Variants in EVC observed in about 807,000 individuals in gnomAD.
EVC encodes evC complex member EVC.
Under a neutral mutation model 118.9 loss-of-function variants are expected in EVC, and 116 were observed. The observed-to-expected ratio is 0.98, with a 90% CI of 0.84 to 1.14. EVC has a LOEUF of 1.14. Ranked by LOEUF, EVC falls within the 50% of genes most tolerant of loss-of-function variation. The pLI, the probability that EVC is intolerant of heterozygous loss-of-function variation, is 0.00. For synonymous variants in EVC, 619 were observed against 534.7 expected (o/e 1.16, Z -2.18); for missense variants, 1,401 against 1,246.4 (o/e 1.12, Z -1.87).
chr4:5,816,324 G>A (rs567091035), downstream of EVC, among the ~76,000 whole-genome samples: 7 of 152,272 alleles, frequency 4.6e-5, no homozygotes, highest in East Asian at 1.9e-4. Context: ...GAGCAAAAAC[G>A]ACCAACATCC....
At chr4:5,720,151 C>T (rs912787008) in intron 2 of EVC, among the ~76,000 whole-genome samples, 1 of 152,048 alleles carries the variant, frequency 6.6e-6, no homozygotes, top group African/African-American at 2.4e-5. Flanking sequence ...ACCTCCTTGT[C>T]CCCTAGGAAG....
rs1353186982 is a variant in EVC, at chr4:5,737,571, G to A, written c.702+4136G>A. On this transcript the variant is annotated intron_variant, in intron 5 of 20. Coordinates refer to ENST00000264956, the MANE Select transcript of EVC (RefSeq NM_153717.3). The surrounding 1 kb of genome is among the most constrained non-coding windows in gnomAD (Gnocchi z 5.0). The stretch of plus-strand genomic sequence containing the variant: ...ATGCGGGAGATGACTTTAAGTTGAA[G>A]CCAGTGCTCATGCACCACTCCGAAA... Among the ~76,000 whole-genome samples the A allele has an allele frequency of 6.6e-6, 1 of 152,192 alleles. No individual in the cohort carries two copies. Among genetic ancestry groups the A allele is most frequent in the East Asian group, 1.9e-4 (1 of 5,202 alleles).
At chr4:5,827,626 A>G in the EVC span, among the ~76,000 whole-genome samples, 1 of 152,062 alleles carries the variant, frequency 6.6e-6, no homozygotes, top group Non-Finnish European at 1.5e-5. Context: ...ACGCGCACAC[A>G]CACACACTCC....
rs1465530933 is a variant in EVC, at chr4:5,752,826, C to A, written c.1099-10C>A. ...ACCCCAGCTATGGTCCTGTGTGTTT[C>A]TTTTTGCAGGACGCCCTGGAGAGGA... On this transcript the variant is annotated splice_polypyrimidine_tract_variant and intron_variant, in intron 8 of 20. Transcript: ENST00000264956. The A allele has an allele frequency of 3.1e-6, 5 of 1,614,138 alleles. No individual in the cohort carries two copies. In the South Asian group the frequency reaches 3.3e-5, roughly 11 times the overall value.
chr4:5,794,551 C>T (rs1713581831), intron 13 of EVC, among the ~76,000 whole-genome samples: 1 of 151,228 alleles, frequency 6.6e-6, no homozygotes, highest in African/African-American at 2.4e-5. Context: ...GCTGGGATTA[C>T]AGGTGCCCAC....
At chr4:5,720,280 G>C (rs963073568) in intron 2 of EVC, among the ~76,000 whole-genome samples, 3 of 152,186 alleles carry the variant, frequency 2.0e-5, no homozygotes, top group African/African-American at 7.2e-5. Flanking sequence ...ACACTCACGT[G>C]AATGATCTCG....
chr4:5,783,155 G>A (rs1735888850), intron 11 of EVC, among the ~76,000 whole-genome samples: 1 of 152,140 alleles, frequency 6.6e-6, no homozygotes, highest in African/African-American at 2.4e-5. Flanking sequence ...TGATTCATGT[G>A]TGTATGTGTG....
At chr4:5,816,607 CCT>C (rs1236836404), downstream of EVC, among the ~76,000 whole-genome samples, 5 of 149,248 alleles carry the variant, frequency 3.4e-5, no homozygotes, top group African/African-American at 9.9e-5. Flanking sequence ...TTCCTTACCC[CCT>C]CTGTCCTTCT....
chr4:5,822,224 G>T, the EVC span, among the ~76,000 whole-genome samples: 7 of 152,226 alleles, frequency 4.6e-5, no homozygotes, highest in South Asian at 1.4e-3. Flanking sequence ...TATGAAGGGG[G>T]TGTTTGTACT....
chr4:5,777,579 T>G (rs1029625169), intron 11 of EVC, among the ~76,000 whole-genome samples: 2 of 152,204 alleles, frequency 1.3e-5, no homozygotes, highest in Admixed American at 1.3e-4. Context: ...ATCACAATCT[T>G]GTTAGATCTT....
chr4:5,789,462 C>G lies in EVC; in HGVS notation c.1777-4146C>G, dbSNP rs1217596850. 6.6e-6 allele frequency among the ~76,000 whole-genome samples: 1 copy of G among 152,212 alleles called. No homozygotes were observed. ...ACTGCAATGCCCCCCTCACCCCCAG[C>G]ACTCCAGTGTTTGCCTCGGGAGTTG... is the stretch of plus-strand genomic sequence containing the variant. On this transcript the variant is annotated intron_variant, in intron 12 of 20. Coordinates refer to ENST00000264956, the MANE Select transcript of EVC (RefSeq NM_153717.3). This position sits in a 1 kb window ranked among gnomAD's most constrained non-coding sequence, Gnocchi z 4.3.
At chr4:5,757,156 T>G (rs12501386) in intron 11 of EVC, among the ~76,000 whole-genome samples, 41,322 of 152,050 alleles carry the variant, frequency 0.27, 6,159 homozygotes, top group African/African-American at 0.39. Flanking sequence ...AGGACTGTGT[T>G]TGGGGACCCG....
Position 5,741,772 on chromosome 4 carries a change from A to G in EVC, c.759A>G (p.Ser253=), listed in dbSNP as rs201105095. ...CLLDLLPKKK[S]DDELYQKILS... ...TTGACCTTCTTCCTAAAAAGAAGTC[A>G]GATGATGAACTATACCAGAAGATCC... is the stretch of plus-strand genomic sequence containing the variant. The change falls in exon 6 of 21, where the codon TCA becomes TCG. Residue 253 remains serine, a synonymous_variant. Coordinates refer to ENST00000264956, the MANE Select transcript of EVC (RefSeq NM_153717.3). The G allele has an allele frequency of 1.0e-4, 163 of 1,570,350 alleles. No homozygotes were observed. The highest frequency in any genetic ancestry group is 8.8e-4 in the Middle Eastern group (5 of 5,660).
chr4:5,723,517 T>C (rs1725321710), intron 2 of EVC, among the ~76,000 whole-genome samples: 1 of 152,166 alleles, frequency 6.6e-6, no homozygotes, highest in South Asian at 2.1e-4. Context: ...GGTTTTTGTT[T>C]TGTATTCCCC....
Position 5,768,366 on chromosome 4 carries a change from T to G in EVC, c.1563+12004T>G, listed in dbSNP as rs538149456. 8.5e-4 allele frequency among the ~76,000 whole-genome samples: 130 copies of G among 152,254 alleles called. 1 individual carries two copies. The highest frequency in any genetic ancestry group is 3.1e-3 in the African/African-American group (127 of 41,530). ...GCAGGGAGCCCTGGTAGGAGACTGC[T>G]GTGGCCCGTGTAAGAGATGGTGCTG... is the stretch of plus-strand genomic sequence containing the variant. On this transcript the variant is annotated intron_variant, in intron 11 of 20. Transcript: ENST00000264956.
In EVC at chr4:5,731,442, C is replaced by A. The variant is rs1560295523; in HGVS notation, c.402C>A (p.Ser134=). 6.2e-7 allele frequency: 1 copy of A among 1,613,606 alleles called. No individual in the cohort carries two copies. The highest frequency in any genetic ancestry group is 1.7e-5 in the Admixed American group (1 of 60,000). ...NQKFRPLADG[S]SNPSLHENLK... ...CACCCCAGCCTCTGGCCGATGGCTC[C>A]TCCAACCCGTCTCTGCATGAAAACT... The change falls in exon 4 of 21, where the codon TCC becomes TCA. Residue 134 remains serine (S), a synonymous_variant. Transcript: ENST00000264956. The surrounding 1 kb of genome is among the most constrained non-coding windows in gnomAD (Gnocchi z 5.6).
chr4:5,776,297 T>G (rs1007518373), intron 11 of EVC, among the ~76,000 whole-genome samples: 4 of 152,170 alleles, frequency 2.6e-5, no homozygotes, highest in Non-Finnish European at 4.4e-5. Flanking sequence ...TCATGTTTTG[T>G]TTTCTTTTTC....
rs140508599 is a variant in EVC at position 5,809,566 on chromosome 4, C to T, written c.2737C>T (p.Pro913Ser). Residue 913 changes from proline (P) to serine (S), a missense_variant, in exon 19 of 21, where the codon CCC becomes TCC. Physicochemically the swap from Pro to Ser is moderately conservative, Grantham distance 74. Transcript: ENST00000264956. Reference sequence around the variant, plus strand: ...CGAGCTGGCAGCCTTGGCCCGAGTGCCCCTTGCTGAAAGCAAACTGTTGCC... The same window carrying T: ...CGAGCTGGCAGCCTTGGCCCGAGTGTCCCTTGCTGAAAGCAAACTGTTGCC... ...ISELAALARVPLAESKLLPAK... is the reference protein window; with the variant it reads ...ISELAALARVSLAESKLLPAK... 5.6e-6 allele frequency: 9 copies of T among 1,614,078 alleles called. No individual in the cohort carries two copies. The highest frequency in any genetic ancestry group is 7.6e-6 in the Non-Finnish European group (9 of 1,180,054).
In EVC at chr4:5,719,689, A is replaced by G. The variant is rs574249799; in HGVS notation, c.300+316A>G. Among the ~76,000 whole-genome samples, 14 of 152,182 alleles carry G rather than the reference A, an allele frequency of 9.2e-5. No individual in the cohort carries two copies. The highest frequency in any genetic ancestry group is 1.6e-4 in the Non-Finnish European group (11 of 68,012). The stretch of plus-strand genomic sequence containing the variant: ...AGAGGTGCCCATGCGTGGGATTTCC[A>G]TTGATTGGTTCTGCAGTTCTGGAAC... On this transcript the variant is annotated intron_variant, in intron 2 of 20. Transcript: ENST00000264956. This position sits in a 1 kb window ranked among gnomAD's most constrained non-coding sequence, Gnocchi z 4.7.
Sources: allele counts gnomAD v4.1 joint callset (sites outside exome capture counted in the v4.1 genomes callset), GRCh38; gene constraint gnomAD v4.1.1; non-coding constraint Gnocchi (gnomAD v3.1); transcripts MANE v1.5; gene names NCBI Gene and HGNC (gene_info 2026-07-23, HGNC 2026-07-21).